Variants in SLC26A11 observed in about 807,000 individuals in gnomAD.
The protein encoded by SLC26A11 is sodium-independent sulfate anion transporter.
Under a neutral mutation model 62.2 loss-of-function variants are expected in SLC26A11, and 58 were observed. The observed-to-expected ratio is 0.93, with a 90% CI of 0.76 to 1.16. The LOEUF is 1.16. Among genes scored for constraint, SLC26A11 ranks in the 50% most tolerant of loss-of-function variants. SLC26A11 has a pLI of 0.00. For missense variants in SLC26A11, 790 were observed against 794.3 expected (o/e 0.99, Z 0.06); for synonymous variants, 411 against 368.9 (o/e 1.11, Z -1.31).
At chr17:80,234,482 G>T (rs9890810) in intron 7 of SLC26A11, among the ~76,000 whole-genome samples, 41,376 of 151,200 alleles carry the variant, frequency 0.27, 6,060 homozygotes, top group South Asian at 0.38. Flanking sequence ...TTGTTTGTTT[G>T]TTTTTTGTTT....
Position 80,223,618 on chromosome 17 carries a change from A to C in SLC26A11, c.513+281A>C, listed in dbSNP as rs1321084557. ...CTGCTCTTGCCCGAGTTTCCGTGCC[A>C]GTGTGCTTGGCTGGCTCTGTGACGT... On this transcript the variant is annotated intron_variant, in intron 5 of 17. Transcript: ENST00000361193. The surrounding 1 kb of genome is among the most constrained non-coding windows in gnomAD (Gnocchi z 4.6). Among the ~76,000 whole-genome samples the C allele has an allele frequency of 2.0e-5, 3 of 152,090 alleles. No homozygotes were observed. Among genetic ancestry groups the C allele is most frequent in the Non-Finnish European group, 4.4e-5 (3 of 68,008 alleles).
intron 5 of SLC26A11, among the ~76,000 whole-genome samples, chr17:80,224,985 T>C (rs1391473837): frequency 6.6e-6 from 1 of 152,040 alleles, no homozygotes; most frequent in African/African-American, 2.4e-5. Context: ...CTTGAGCCTG[T>C]GGCCATGGGA....
chr17:80,224,412 TGTGAGTGAGTGAGA>T (rs1383794535), intron 5 of SLC26A11, among the ~76,000 whole-genome samples: 3 of 138,130 alleles, frequency 2.2e-5, no homozygotes, highest in Non-Finnish European at 3.1e-5. Flanking sequence ...TGAGAGTGAG[TGTGAGTGAGTGAGA>T]GTGGGTGTGG....
rs371524422 is a variant in SLC26A11 at position 80,223,348 on chromosome 17, C to T, written c.513+11C>T. 261 of 1,613,340 alleles carry T rather than the reference C, an allele frequency of 1.6e-4. 1 individual carries two copies. The South Asian group carries it at 2.4e-3, about 15-fold the overall frequency. On this transcript the variant is annotated intron_variant, in intron 5 of 17. Transcript: ENST00000361193. This position sits in a 1 kb window ranked among gnomAD's most constrained non-coding sequence, Gnocchi z 4.6. ...TTTGGACAGATCAAGGTAGGCACGGCGCCCACCCAGGGCACTGCTCTTTGG... is the reference window on the plus strand; with the variant it reads ...TTTGGACAGATCAAGGTAGGCACGGTGCCCACCCAGGGCACTGCTCTTTGG...
chr17:80,245,556 G>A (rs2042972260), intron 11 of SLC26A11, among the ~76,000 whole-genome samples: 1 of 152,162 alleles, frequency 6.6e-6, no homozygotes, highest in Non-Finnish European at 1.5e-5. Context: ...GGATGAGGCT[G>A]CAGTGAGTTG....
rs375955041 is a variant in SLC26A11, at chr17:80,237,745, G to A, written c.985+151G>A. On this transcript the variant is annotated intron_variant, in intron 9 of 17. Coordinates refer to ENST00000361193, the MANE Select transcript of SLC26A11 (RefSeq NM_001166347.2). ...TGCTCATGATAGATACATATGTATTGTGTATATATGATAAAACTGGATCTA... is the reference window on the plus strand; with the variant it reads ...TGCTCATGATAGATACATATGTATTATGTATATATGATAAAACTGGATCTA... 3.9e-4 allele frequency: 282 copies of A among 727,028 alleles called. 3 individuals carry two copies. The South Asian group carries it at 4.8e-3, about 12-fold the overall frequency. 45.0% of individuals were successfully genotyped at this position (727,028 alleles called of 1,614,324 possible). A position where few individuals can be genotyped will look rare whatever the true frequency, so the allele number is the denominator to read the frequency against.
At position 80,243,900 on chromosome 17, in the gene SLC26A11, C is replaced by T. The variant is rs148342882; in HGVS notation, c.1037-1296C>T. Reference sequence around the variant, plus strand: ...ATGAAGGCCAGGCTGGGAGGGGTTGCGCTGGTCAGCTTCGGCTCACAGAGT... The same window carrying T: ...ATGAAGGCCAGGCTGGGAGGGGTTGTGCTGGTCAGCTTCGGCTCACAGAGT... On this transcript the variant is annotated intron_variant, in intron 10 of 17. Coordinates refer to ENST00000361193, the MANE Select transcript of SLC26A11 (RefSeq NM_001166347.2). Among the ~76,000 whole-genome samples, 934 of 152,308 alleles carry T rather than the reference C, an allele frequency of 6.1e-3. 9 individuals carry two copies. Among genetic ancestry groups the T allele is most frequent in the Non-Finnish European group, 8.9e-3 (607 of 68,026 alleles).
At position 80,246,114 on chromosome 17, in the gene SLC26A11, C is replaced by T. The variant is rs375180567; in HGVS notation, c.1098-40C>T. On this transcript the variant is annotated intron_variant, in intron 11 of 17. Coordinates refer to ENST00000361193, the MANE Select transcript of SLC26A11 (RefSeq NM_001166347.2). This position sits in a 1 kb window ranked among gnomAD's most constrained non-coding sequence, Gnocchi z 4.4. Reference sequence around the variant, plus strand: ...AGTGTGGACTGAGGTCTCCCTTTTCCCGGCCCCTGGTGACTGACGGTCTCT... The same window carrying T: ...AGTGTGGACTGAGGTCTCCCTTTTCTCGGCCCCTGGTGACTGACGGTCTCT... 3 of 1,612,354 alleles carry T rather than the reference C, an allele frequency of 1.9e-6. No individual in the cohort carries two copies. The highest frequency in any genetic ancestry group is 2.5e-6 in the Non-Finnish European group (3 of 1,179,272).
Position 80,238,820 on chromosome 17 carries a change from G to GTTTTTT in SLC26A11, c.985+1227_985+1232dup, listed in dbSNP as rs1366044421. ...TACCCCCTTCAAAGGAGTTTTTTTTGTTTTTTGTTTTTTTTTTTTTTTGGA... is the reference window on the plus strand; with the variant it reads ...TACCCCCTTCAAAGGAGTTTTTTTTGTTTTTTTTTTTTGTTTTTTTTTTTTTTTGGA... On this transcript the variant is annotated intron_variant, in intron 9 of 17. Coordinates refer to ENST00000361193, the MANE Select transcript of SLC26A11 (RefSeq NM_001166347.2). 2.7e-4 allele frequency among the ~76,000 whole-genome samples: 24 copies of GTTTTTT among 87,364 alleles called. 1 individual carries two copies. The highest frequency in any genetic ancestry group is 5.7e-4 in the African/African-American group (13 of 23,004). 57.3% of individuals were successfully genotyped at this position (87,364 alleles called of 152,430 possible).
At position 80,222,775 on chromosome 17, in the gene SLC26A11, G is replaced by A. The variant is rs745319776; in HGVS notation, c.355G>A (p.Glu119Lys). The stretch of plus-strand genomic sequence containing the variant: ...CCTGGTCTCCTTCTACACCTTCCAT[G>A]AGCCCGCCTACGCTGTGCTGCTGGC... ...SLLVSFYTFH[E>K]PAYAVLLAFL... The change falls in exon 4 of 18, where the codon GAG (glutamate) becomes AAG (lysine). Residue 119 changes from glutamate (E) to lysine (K), a missense_variant. By Grantham distance (56) the Glu-to-Lys change is moderately conservative. Coordinates refer to ENST00000361193, the MANE Select transcript of SLC26A11 (RefSeq NM_001166347.2). This position sits in a 1 kb window ranked among gnomAD's most constrained non-coding sequence, Gnocchi z 4.7. 9 of 1,614,160 alleles carry A rather than the reference G, an allele frequency of 5.6e-6. No individual in the cohort carries two copies. In the East Asian group the frequency reaches 1.8e-4, roughly 32 times the overall value.
rs1456538886 is a variant in SLC26A11, at chr17:80,246,795, G to C, written c.1294+146G>C. 1 of 1,099,062 alleles carries C rather than the reference G, an allele frequency of 9.1e-7. No homozygotes were observed. The highest frequency in any genetic ancestry group is 1.3e-6 in the Non-Finnish European group (1 of 776,558). The allele number at this position is 1,099,062 out of a possible 1,614,324, so 68.1% of individuals were successfully genotyped here. The stretch of plus-strand genomic sequence containing the variant: ...CAGTCCCGGAACAGAGAAGTGGATG[G>C]CCAGGAGATGGCCCCAGAGATGGTC... On this transcript the variant is annotated intron_variant, in intron 13 of 17. Transcript: ENST00000361193. This position sits in a 1 kb window ranked among gnomAD's most constrained non-coding sequence, Gnocchi z 4.4.
rs201499216 is a variant in SLC26A11 at position 80,248,548 on chromosome 17, G to A, written c.1423-27G>A. The A allele has an allele frequency of 2.9e-4, 443 of 1,549,256 alleles. 4 individuals carry two copies. The East Asian group carries it at 9.0e-3, about 31-fold the overall frequency. ...TGGTGGAGGCCACCCGGTCAGACCC[G>A]CCTCCAGGACTCACTCCTCCCCACA... On this transcript the variant is annotated intron_variant, in intron 14 of 17. Coordinates refer to ENST00000361193, the MANE Select transcript of SLC26A11 (RefSeq NM_001166347.2).
chr17:80,251,993 G>T (rs1039907823), intron 17 of SLC26A11, among the ~76,000 whole-genome samples: 3 of 152,140 alleles, frequency 2.0e-5, no homozygotes, highest in African/African-American at 4.8e-5. Flanking sequence ...CATCCCGGGG[G>T]ATCAGGACAG....
At chr17:80,232,953 G>T (rs2042599722) in intron 7 of SLC26A11, among the ~76,000 whole-genome samples, 1 of 152,048 alleles carries the variant, frequency 6.6e-6, no homozygotes, top group Admixed American at 6.6e-5. Context: ...TGTGATATAA[G>T]AACCTTATAA....
Position 80,221,624 on chromosome 17 carries a change from G to C in SLC26A11, c.64G>C (p.Ala22Pro). 1 of 1,610,330 alleles carries C rather than the reference G, an allele frequency of 6.2e-7. No homozygotes were observed. The highest frequency in any genetic ancestry group is 8.5e-7 in the Non-Finnish European group (1 of 1,179,772). The change falls in exon 3 of 18, where the codon GCC becomes CCC. Residue 22 changes from alanine (A) to proline (P), a missense_variant. Coordinates refer to ENST00000361193, the MANE Select transcript of SLC26A11 (RefSeq NM_001166347.2). ...CTCTGGCCCCGGGATGGCCCCGAGC[G>C]CCTGCTGCTGCTCCCCTGCGGCCCT... ...RSSGPGMAPS[A>P]CCCSPAALQR...
intron 9 of SLC26A11, among the ~76,000 whole-genome samples, chr17:80,238,820 GTTTTTTGT>G (rs1475097979): frequency 5.7e-5 from 5 of 87,390 alleles, no homozygotes; most frequent in Admixed American, 5.0e-4. Context: ...AGTTTTTTTT[GTTTTTTGT>G]TTTTTTTTTT....
At chr17:80,249,642 A>T (rs1199990140) in intron 16 of SLC26A11, among the ~76,000 whole-genome samples, 1 of 152,006 alleles carries the variant, frequency 6.6e-6, no homozygotes, top group Non-Finnish European at 1.5e-5. Context: ...GTGGTGGCAC[A>T]CTCCTGGAAT....
chr17:80,237,330 T>G, intron 8 of SLC26A11, 192 bp from the exon 9 acceptor site: 1 of 745,758 alleles, frequency 1.3e-6, no homozygotes, highest in Non-Finnish European at 2.1e-6. Flanking sequence ...TGTTTTGGAC[T>G]CCAGCTGAGG....
chr17:80,244,009 C>G (rs1317492375), intron 10 of SLC26A11, among the ~76,000 whole-genome samples: 3 of 152,234 alleles, frequency 2.0e-5, no homozygotes, highest in Admixed American at 2.0e-4. Context: ...AGCCCTCCCA[C>G]GCCTGTATTT....
Sources: gnomAD v4.1 joint callset for allele counts (sites outside exome capture counted in the v4.1 genomes callset) on GRCh38, gnomAD v4.1.1 for gene constraint, Gnocchi (gnomAD v3.1) non-coding constraint, MANE v1.5 for transcripts, NCBI Gene and HGNC (gene_info 2026-07-23, HGNC 2026-07-21) for gene names.